RSPH10B2: variants seen among roughly 807,000 people sequenced by gnomAD.
The protein encoded by RSPH10B2 is radial spoke head 10 homolog B2 (Chlamydomonas).
In RSPH10B2, 9 loss-of-function variants were observed where a neutral mutation model predicts 49.0. The ratio of observed to expected loss-of-function variants is 0.18; its 90% confidence interval spans 0.11 to 0.32. The LOEUF (loss-of-function observed/expected upper bound fraction) is 0.32, where lower values mean the gene tolerates loss of function less well. Ranked by LOEUF, RSPH10B2 falls within the 10% of genes least tolerant of loss-of-function variation. The pLI is 1.00. For missense variants in RSPH10B2, 95 were observed against 589.9 expected (o/e 0.16, Z 8.69); for synonymous variants, 35 against 210.2 (o/e 0.17, Z 7.21).
chr7:6,766,850 C>T (rs1473700608), exon 6 of RSPH10B2: 4 of 714,160 alleles, frequency 5.6e-6, no homozygotes, highest in East Asian at 2.9e-5. Flanking sequence ...ACGAAGAGTA[C>T]ACCGGGCGGT....
intron 17 of RSPH10B2, among the ~76,000 whole-genome samples, chr7:6,792,761 CCTTTT>C (rs1245161469): frequency 4.2e-5 from 5 of 118,914 alleles, no homozygotes; most frequent in Non-Finnish European, 6.8e-5. Flanking sequence ...TGGTGTTTCC[CCTTTT>C]CTTTTCTTTT....
intron 16 of RSPH10B2, among the ~76,000 whole-genome samples, chr7:6,791,370 T>G (rs1782319785): frequency 1.4e-5 from 2 of 144,630 alleles, no homozygotes; most frequent in Non-Finnish European, 3.0e-5. Flanking sequence ...GTTTTGGGGG[T>G]TTTTTTTGAG....
At chr7:6,767,919 C>T (rs1354746793) in intron 6 of RSPH10B2, among the ~76,000 whole-genome samples, 1 of 117,850 alleles carries the variant, frequency 8.5e-6, no homozygotes, top group Non-Finnish European at 1.7e-5. Context: ...AAAATTTAGG[C>T]TGGGCTCAGT....
At chr7:6,756,007 C>T (rs1199512810), upstream of RSPH10B2, among the ~76,000 whole-genome samples, 29 of 148,308 alleles carry the variant, frequency 2.0e-4, no homozygotes, top group Admixed American at 6.7e-4. Context: ...CGGTGACTCA[C>T]GCCTGTAATC....
chr7:6,764,708 TTGTG>T (rs372144067), intron 4 of RSPH10B2, among the ~76,000 whole-genome samples: 28,301 of 144,856 alleles, frequency 0.2, 228 homozygotes, highest in African/African-American at 0.24. Context: ...GTTGTTGTTG[TTGTG>T]TGTGTGTGTG....
At chr7:6,796,148 C>T (rs1429511029) in intron 17 of RSPH10B2, among the ~76,000 whole-genome samples, 1 of 131,470 alleles carries the variant, frequency 7.6e-6, no homozygotes, top group African/African-American at 2.8e-5. Flanking sequence ...GGTGAAACCT[C>T]ATCTCTACTA....
At chr7:6,758,657 C>T (rs1375342473) in intron 1 of RSPH10B2, among the ~76,000 whole-genome samples, 5 of 126,392 alleles carry the variant, frequency 4.0e-5, no homozygotes, top group Non-Finnish European at 8.5e-5. Context: ...CCAGTCTGGC[C>T]AATATGGTGA....
rs1379847976 is a variant in RSPH10B2, at chr7:6,779,154, C to CT, written c.1415-441dup. On this transcript the variant is annotated intron_variant, in intron 10 of 18. Coordinates refer to ENST00000297186, the Ensembl canonical transcript of RSPH10B2. ...GAAAACAGTGGGACAAGATTGACATCTTTTTTTTTTTTTTTGAGATGAAGT... is the reference window on the plus strand; with the variant it reads ...GAAAACAGTGGGACAAGATTGACATCTTTTTTTTTTTTTTTTGAGATGAAGT... 3.4e-3 allele frequency among the ~76,000 whole-genome samples: 59 copies of CT among 17,444 alleles called. 2 individuals carry two copies. The highest frequency in any genetic ancestry group is 8.6e-3 in the African/African-American group (42 of 4,860). The allele number at this position is 17,444 out of a possible 152,430, so 11.4% of individuals were successfully genotyped here.
chr7:6,755,964 A>C (rs1360876684), upstream of RSPH10B2, among the ~76,000 whole-genome samples: 2 of 142,976 alleles, frequency 1.4e-5, no homozygotes, highest in East Asian at 2.0e-4. Flanking sequence ...AAACAAACCC[A>C]AAAAACACAG....
exon 12 of RSPH10B2, chr7:6,780,811 A>G (rs1781904964): frequency 6.7e-7 from 1 of 1,487,444 alleles, no homozygotes; most frequent in Non-Finnish European, 8.9e-7. Context: ...TATCACAGAA[A>G]GAGAAGCCCA....
chr7:6,756,079 T>C (rs558921323), upstream of RSPH10B2, among the ~76,000 whole-genome samples: 863 of 150,368 alleles, frequency 5.7e-3, 1 homozygote, highest in Non-Finnish European at 7.5e-3. Flanking sequence ...CCATCCTGGC[T>C]AACCCGGTGA....
rs577904507 is a variant in RSPH10B2, at chr7:6,795,708, C to T, written c.2234-860C>T. On this transcript the variant is annotated intron_variant, in intron 17 of 18. Transcript: ENST00000297186. ...CCCAGGAGTTGGAGGCTGCAGTGAG[C>T]CATGATGGTACCACTGCACTCCAGC... 4.8e-5 allele frequency among the ~76,000 whole-genome samples: 7 copies of T among 145,700 alleles called. No homozygotes were observed. The East Asian group carries it at 1.4e-3, about 29-fold the overall frequency.
At chr7:6,797,479 C>A (rs1200885968) in intron 18 of RSPH10B2, among the ~76,000 whole-genome samples, 3 of 151,940 alleles carry the variant, frequency 2.0e-5, no homozygotes, top group Non-Finnish European at 2.9e-5. Flanking sequence ...TCCAGCCCAA[C>A]CTCCCAGGAA....
At chr7:6,756,147 G>C (rs1214530197), upstream of RSPH10B2, among the ~76,000 whole-genome samples, 1 of 146,202 alleles carries the variant, frequency 6.8e-6, no homozygotes, top group Admixed American at 6.8e-5. Flanking sequence ...GTGGGTGCCT[G>C]TAGTCCCAGC....
chr7:6,791,709 A>C, intron 16 of RSPH10B2, among the ~76,000 whole-genome samples, 195 bp from the exon 19 acceptor site: 1 of 134,166 alleles, frequency 7.5e-6, no homozygotes. Flanking sequence ...GCGCCACTGC[A>C]CTCCAGCCTG....
intron 6 of RSPH10B2, among the ~76,000 whole-genome samples, chr7:6,768,264 A>C (rs1781527177): frequency 6.6e-6 from 1 of 152,304 alleles, no homozygotes; most frequent in Admixed American, 6.5e-5. Context: ...CAGGCACTTT[A>C]TGTACACTTA....
At chr7:6,783,682 A>G (rs1313258025) in intron 13 of RSPH10B2, among the ~76,000 whole-genome samples, 31 of 151,388 alleles carry the variant, frequency 2.0e-4, no homozygotes, top group African/African-American at 7.6e-4. Context: ...CATGTTGCCC[A>G]GGCTGATCTT....
At chr7:6,791,302 G>A (rs1782314883) in intron 16 of RSPH10B2, among the ~76,000 whole-genome samples, 1 of 134,278 alleles carries the variant, frequency 7.4e-6, no homozygotes, top group Non-Finnish European at 1.6e-5. Context: ...ACGCCTAGCC[G>A]GTATCATTAA....
rs1293190264 is a variant in RSPH10B2 at position 6,793,174 on chromosome 7, A to G, written c.2233+1177A>G. ...CTGGATCTGAACGCCTTGACTCCCA[A>G]AGTGCTGAGGTTACAGGTATGAGCC... On this transcript the variant is annotated intron_variant, in intron 17 of 18. Coordinates refer to ENST00000297186, the Ensembl canonical transcript of RSPH10B2. Among the ~76,000 whole-genome samples the G allele has an allele frequency of 2.8e-5, 3 of 108,080 alleles. 1 individual carries two copies. The highest frequency in any genetic ancestry group is 1.1e-4 in the African/African-American group (3 of 26,258). The allele number at this position is 108,080 out of a possible 152,430, so 70.9% of individuals were successfully genotyped here. A position where few individuals can be genotyped will look rare whatever the true frequency, so the allele number is the denominator to read the frequency against.
Sources: allele counts gnomAD v4.1 joint callset (sites outside exome capture counted in the v4.1 genomes callset), GRCh38; gene constraint gnomAD v4.1.1; transcripts MANE v1.5; gene names NCBI Gene and HGNC (gene_info 2026-07-23, HGNC 2026-07-21).